Variants in TNFAIP8L3 observed in about 807,000 individuals in gnomAD.
The protein encoded by TNFAIP8L3 is tumor necrosis factor alpha-induced protein 8-like protein 3.
A neutral mutation model predicts 11.8 loss-of-function variants in TNFAIP8L3; 7 were observed. The ratio of observed to expected loss-of-function variants is 0.59; its 90% CI spans 0.34 to 1.11. TNFAIP8L3 has a LOEUF of 1.11. TNFAIP8L3 is among the 50% of genes most tolerant of loss of function. TNFAIP8L3 has a pLI of 0.03. For synonymous variants in TNFAIP8L3, 98 were observed against 103.8 expected (o/e 0.94, Z 0.34); for missense variants, 219 against 258.6 (o/e 0.85, Z 1.05).
chr15:51,069,955 C>T (rs555951112), intron 1 of TNFAIP8L3, among the ~76,000 whole-genome samples: 2 of 152,306 alleles, frequency 1.3e-5, no homozygotes, highest in East Asian at 3.9e-4. Context: ...TGAATCTCCA[C>T]CTACCTAGGG....
chr15:51,098,387 T>C (rs1186601700), upstream of TNFAIP8L3, among the ~76,000 whole-genome samples: 1 of 152,112 alleles, frequency 6.6e-6, no homozygotes, highest in Non-Finnish European at 1.5e-5. Flanking sequence ...TCCTTAGAGG[T>C]GAAAGGTTGG....
upstream of TNFAIP8L3, among the ~76,000 whole-genome samples, chr15:51,099,322 C>A (rs1449549491): frequency 1.3e-5 from 2 of 152,036 alleles, no homozygotes. Context: ...CTTTGGCATC[C>A]AGCTGTTCTC....
At chr15:51,075,300 C>T (rs1186273342) in intron 1 of TNFAIP8L3, among the ~76,000 whole-genome samples, 2 of 152,156 alleles carry the variant, frequency 1.3e-5, no homozygotes, top group Non-Finnish European at 2.9e-5. Flanking sequence ...GACCCAACAA[C>T]AGCAGCATCA....
chr15:51,056,632 C>T lies in TNFAIP8L3; in HGVS notation c.*1249G>A, dbSNP rs548063815. On this transcript the variant is annotated 3_prime_UTR_variant, in exon 2 of 2. Transcript: ENST00000637513. ...GGGCAGTTTCAATTTATTAATGAAC[C>T]AGAGAAAACAGCACAAAATGACTGA... 1 of 152,146 alleles carries T rather than the reference C, an allele frequency of 6.6e-6. No individual in the cohort carries two copies. The highest frequency in any genetic ancestry group is 2.1e-4 in the South Asian group (1 of 4,802). The allele number at this position is 152,146 out of a possible 1,614,324, so 9.4% of individuals were successfully genotyped here. A position where few individuals can be genotyped will look rare whatever the true frequency, so the allele number is the denominator to read the frequency against.
chr15:51,098,951 A>G (rs76013591), upstream of TNFAIP8L3, among the ~76,000 whole-genome samples: 412 of 152,352 alleles, frequency 2.7e-3, 3 homozygotes, highest in African/African-American at 9.7e-3. Flanking sequence ...GCATCAATCA[A>G]TATCCTCGTG....
upstream of TNFAIP8L3, among the ~76,000 whole-genome samples, chr15:51,096,408 C>T (rs567786414): frequency 6.6e-6 from 1 of 152,254 alleles, no homozygotes; most frequent in East Asian, 1.9e-4. Context: ...AAACCTCTCT[C>T]GGTTTCCTCA....
intron 1 of TNFAIP8L3, among the ~76,000 whole-genome samples, chr15:51,077,722 A>G (rs2065363243): frequency 6.6e-6 from 1 of 152,158 alleles, no homozygotes; most frequent in Non-Finnish European, 1.5e-5. Flanking sequence ...CTTCCCCGAC[A>G]GCTTCTCGCT....
At chr15:51,088,412 G>A (rs1244245383) in intron 1 of TNFAIP8L3, among the ~76,000 whole-genome samples, 1 of 152,112 alleles carries the variant, frequency 6.6e-6, no homozygotes, top group Non-Finnish European at 1.5e-5. Context: ...TCCAAATCCT[G>A]CACCAATTAC....
At chr15:51,073,275 C>T (rs1476838010) in intron 1 of TNFAIP8L3, among the ~76,000 whole-genome samples, 3 of 152,164 alleles carry the variant, frequency 2.0e-5, no homozygotes, top group Non-Finnish European at 2.9e-5. Context: ...GGACTATAGG[C>T]GTGAGCCACC....
intron 1 of TNFAIP8L3, among the ~76,000 whole-genome samples, chr15:51,062,277 AAAAAT>A (rs145219063): frequency 5.0e-4 from 75 of 149,518 alleles, no homozygotes; most frequent in Non-Finnish European, 8.6e-4. Context: ...CTGTCTCAAT[AAAAAT>A]AAAATAAAAT....
intron 1 of TNFAIP8L3, among the ~76,000 whole-genome samples, chr15:51,079,780 T>C (rs1347579754): frequency 6.7e-6 from 1 of 148,500 alleles, no homozygotes; most frequent in African/African-American, 2.5e-5. Context: ...GGCTAGGAGT[T>C]CGAGGCTGCA....
chr15:51,094,954 C>T (rs1406142843), upstream of TNFAIP8L3, among the ~76,000 whole-genome samples: 2 of 151,774 alleles, frequency 1.3e-5, no homozygotes, highest in Non-Finnish European at 2.9e-5. This position sits in a 1 kb window ranked among gnomAD's most constrained non-coding sequence, Gnocchi z 4.4. Flanking sequence ...GGCGGCGCCG[C>T]GCCTCCCTAC....
At chr15:51,059,338 A>G (rs927810499) in intron 1 of TNFAIP8L3, among the ~76,000 whole-genome samples, 4 of 152,266 alleles carry the variant, frequency 2.6e-5, no homozygotes, top group Non-Finnish European at 2.9e-5. Context: ...AGAAGTCTAA[A>G]AAGCCTCTTT....
chr15:51,072,332 G>A (rs1038718582), intron 1 of TNFAIP8L3, among the ~76,000 whole-genome samples: 6 of 152,100 alleles, frequency 3.9e-5, no homozygotes, highest in Non-Finnish European at 8.8e-5. Context: ...TACAGATGGG[G>A]TTTCTCTATG....
intron 1 of TNFAIP8L3, among the ~76,000 whole-genome samples, chr15:51,087,919 T>TTATATATA (rs6145560): frequency 0.015 from 1,541 of 101,530 alleles, 182 homozygotes; most frequent in South Asian, 0.079. Context: ...TAGCATACCT[T>TTATATATA]TATATATATA....
chr15:51,077,877 C>T lies in TNFAIP8L3; in HGVS notation c.52+16667G>A, dbSNP rs1293181649. ...AGGTGGAAGCCTGTTAGCAGGACCA[C>T]TTATTTTTTTCTCCGAGAGCTTTCT... On this transcript the variant is annotated intron_variant, in intron 1 of 1. Coordinates refer to ENST00000637513, the MANE Select transcript of TNFAIP8L3 (RefSeq NM_001311175.2). Among the ~76,000 whole-genome samples the T allele has an allele frequency of 2.0e-5, 3 of 152,190 alleles. No homozygotes were observed. In the East Asian group the frequency reaches 5.8e-4, roughly 29 times the overall value.
At chr15:51,098,665 A>C (rs1230375927), upstream of TNFAIP8L3, among the ~76,000 whole-genome samples, 2 of 152,258 alleles carry the variant, frequency 1.3e-5, no homozygotes, top group Non-Finnish European at 2.9e-5. Context: ...GAAAATACAT[A>C]TAAACAAAAA....
chr15:51,094,777 G>C lies in TNFAIP8L3; in HGVS notation c.-182C>G. 2 of 867,336 alleles carry C rather than the reference G, an allele frequency of 2.3e-6. No individual in the cohort carries two copies. The highest frequency in any genetic ancestry group is 2.8e-6 in the Non-Finnish European group (2 of 724,990). 53.7% of individuals were successfully genotyped at this position (867,336 alleles called of 1,614,324 possible). ...GCTCCGCAGAGGCGAGCGCCGCCGC[G>C]CCCCGCTCCCCGCGCCCGCCGGCCG... On this transcript the variant is annotated 5_prime_UTR_variant, in exon 1 of 2. Coordinates refer to ENST00000637513, the MANE Select transcript of TNFAIP8L3 (RefSeq NM_001311175.2). This position sits in a 1 kb window ranked among gnomAD's most constrained non-coding sequence, Gnocchi z 4.4.
At chr15:51,077,660 G>T (rs1048162780) in intron 1 of TNFAIP8L3, among the ~76,000 whole-genome samples, 1 of 152,148 alleles carries the variant, frequency 6.6e-6, no homozygotes, top group Non-Finnish European at 1.5e-5. Flanking sequence ...CCCGACTGCC[G>T]GTCCCGTAAG....
Sources: gnomAD v4.1 joint callset for allele counts (sites outside exome capture counted in the v4.1 genomes callset) on GRCh38, gnomAD v4.1.1 for gene constraint, Gnocchi (gnomAD v3.1) non-coding constraint, MANE v1.5 for transcripts, NCBI Gene and HGNC (gene_info 2026-07-23, HGNC 2026-07-21) for gene names.